The following MYT1L variants were observed in gnomAD, a reference collection of about 807,000 sequenced individuals.
MYT1L encodes the protein myelin transcription factor 1-like protein.
A neutral mutation model predicts 126.7 loss-of-function variants in MYT1L; 12 were observed. The observed-to-expected ratio is 0.09, with a 90% CI of 0.06 to 0.15. The LOEUF (loss-of-function observed/expected upper bound fraction) is 0.15. Ranked by LOEUF, MYT1L falls within the 10% of genes least tolerant of loss-of-function variation. The pLI, the probability that MYT1L is intolerant of heterozygous loss-of-function variation, is 1.00. For synonymous variants in MYT1L, 541 were observed against 604.2 expected (o/e 0.90, Z 1.53); for missense variants, 979 against 1,585.2 (o/e 0.62, Z 6.49).
At chr2:2,075,221 G>A (rs938759205) in intron 3 of MYT1L, among the ~76,000 whole-genome samples, 2 of 152,162 alleles carry the variant, frequency 1.3e-5, no homozygotes, top group East Asian at 1.9e-4. Flanking sequence ...CCTTTTTGGG[G>A]CAGAGGAAAT....
At chr2:2,203,774 T>C (rs1371155294) in intron 2 of MYT1L, among the ~76,000 whole-genome samples, 1 of 152,182 alleles carries the variant, frequency 6.6e-6, no homozygotes, top group African/African-American at 2.4e-5. Flanking sequence ...AAAGTTCACA[T>C]GGAACCAAAA....
At chr2:1,867,372 G>A (rs965709974) in intron 18 of MYT1L, among the ~76,000 whole-genome samples, 11 of 152,122 alleles carry the variant, frequency 7.2e-5, no homozygotes, top group Non-Finnish European at 1.3e-4. Context: ...CTCTCACCCC[G>A]GTGCCCCACA....
intron 1 of MYT1L, among the ~76,000 whole-genome samples, chr2:2,300,307 T>C (rs2095763254): frequency 6.6e-6 from 1 of 152,232 alleles, no homozygotes; most frequent in African/African-American, 2.4e-5. Context: ...GAAGATCGCA[T>C]GCTCATGTAA....
At chr2:1,966,153 C>T (rs1363656732) in intron 8 of MYT1L, among the ~76,000 whole-genome samples, 2 of 152,214 alleles carry the variant, frequency 1.3e-5, no homozygotes, top group Non-Finnish European at 2.9e-5. Flanking sequence ...TGGCCTATTC[C>T]TTTATTCAGC....
intron 18 of MYT1L, among the ~76,000 whole-genome samples, chr2:1,869,512 T>C (rs960867789): frequency 7.2e-5 from 11 of 152,104 alleles, no homozygotes; most frequent in African/African-American, 2.7e-4. Context: ...TGGGACTCCG[T>C]GCCCTACACA....
chr2:1,861,048 G>C lies in MYT1L; in HGVS notation c.2712-9345C>G, dbSNP rs147724889. Among the ~76,000 whole-genome samples the C allele has an allele frequency of 3.6e-3, 545 of 152,200 alleles. 7 individuals are homozygous for C. Among genetic ancestry groups the C allele is most frequent in the Admixed American group, 0.02 (305 of 15,278 alleles). ...AGCCCCAGAGGGCACAGAGGGAAGCGGCGACAATGGCCAAAAACTCAACAC... is the reference window on the plus strand; with the variant it reads ...AGCCCCAGAGGGCACAGAGGGAAGCCGCGACAATGGCCAAAAACTCAACAC... On this transcript the variant is annotated intron_variant, in intron 18 of 24. Transcript: ENST00000647738.
Position 1,840,809 on chromosome 2 carries a change from T to C in MYT1L, c.2809A>G (p.Ile937Val). The C allele has an allele frequency of 1.9e-6, 3 of 1,551,192 alleles. No homozygotes were observed. In the African/African-American group the frequency reaches 4.1e-5, roughly 21 times the overall value. ...TCTTCTTTGCTCTGTGCTATCCTGA[T>C]ACCACTTTTCTTTGCTCTTGGGCAA... ...SGCPRAKKSG[I>V]RIAQSKEDKE... is the part of the protein sequence containing the mutation. Residue 937 changes from isoleucine (I) to valine (V), a missense_variant, in exon 20 of 25, where the codon ATC (isoleucine) becomes GTC (valine). Ile to Val is a conservative substitution (Grantham distance 29, BLOSUM62 3). This residue lies in a region of MYT1L where 179 missense variants were observed against 398.6 expected (regional missense o/e 0.45). Transcript: ENST00000647738.
intron 1 of MYT1L, among the ~76,000 whole-genome samples, chr2:2,310,859 G>A (rs1478936230): frequency 6.6e-6 from 1 of 152,038 alleles, no homozygotes; most frequent in Non-Finnish European, 1.5e-5. Flanking sequence ...AGAGTTGGTT[G>A]AAAAAATGAA....
At chr2:2,143,385 TGGGG>T (rs2084341081) in intron 3 of MYT1L, among the ~76,000 whole-genome samples, 1 of 151,894 alleles carries the variant, frequency 6.6e-6, no homozygotes, top group Non-Finnish European at 1.5e-5. Context: ...AGGCTGTGCC[TGGGG>T]CCGAGGTGGT....
At chr2:2,000,965 C>T (rs1027915519) in intron 4 of MYT1L, among the ~76,000 whole-genome samples, 6 of 152,128 alleles carry the variant, frequency 3.9e-5, no homozygotes, top group South Asian at 4.1e-4. Flanking sequence ...CTCAGAAGCA[C>T]GGGTTTTCTC....
At chr2:2,128,668 C>A (rs552564325) in intron 3 of MYT1L, among the ~76,000 whole-genome samples, 8 of 152,038 alleles carry the variant, frequency 5.3e-5, no homozygotes, top group African/African-American at 9.7e-5. Context: ...ATTATACCTA[C>A]AAATTAAAGG....
intron 2 of MYT1L, among the ~76,000 whole-genome samples, chr2:2,225,994 G>T (rs765764806): frequency 2.0e-5 from 3 of 152,138 alleles, no homozygotes; most frequent in Non-Finnish European, 4.4e-5. Context: ...CTTGGCTCCA[G>T]ACGCTAACTC....
At chr2:1,892,424 C>T (rs2049013025) in intron 14 of MYT1L, 137 bp from the exon 15 acceptor site, 4 of 1,196,766 alleles carry the variant, frequency 3.3e-6, no homozygotes, top group Admixed American at 3.1e-5. Flanking sequence ...GGGGCTTACG[C>T]GTAAAGAAAA....
intron 2 of MYT1L, among the ~76,000 whole-genome samples, chr2:2,242,823 G>T (rs2094464160): frequency 6.6e-6 from 1 of 152,180 alleles, no homozygotes; most frequent in South Asian, 2.1e-4. Context: ...AAAATCCTGA[G>T]GAAATGAAGT....
chr2:1,988,703 T>C (rs1341634955), intron 5 of MYT1L, among the ~76,000 whole-genome samples: 6 of 152,236 alleles, frequency 3.9e-5, no homozygotes, highest in African/African-American at 1.2e-4. Flanking sequence ...TAAAAGAATC[T>C]TAGGTAAGAA....
intron 4 of MYT1L, among the ~76,000 whole-genome samples, chr2:2,045,809 C>T (rs1448608515): frequency 2.0e-5 from 3 of 152,138 alleles, no homozygotes; most frequent in African/African-American, 7.2e-5. Context: ...TTTGGATCTC[C>T]AGGCCAACTT....
intron 3 of MYT1L, among the ~76,000 whole-genome samples, chr2:2,109,890 T>C (rs1386114527): frequency 2.4e-5 from 2 of 84,762 alleles, no homozygotes; most frequent in Admixed American, 1.1e-4. Context: ...TATATATATA[T>C]ATATATATAT....
chr2:2,006,735 C>G (rs1288706091), intron 4 of MYT1L, among the ~76,000 whole-genome samples: 1 of 151,894 alleles, frequency 6.6e-6, no homozygotes, highest in Non-Finnish European at 1.5e-5. Flanking sequence ...ATCACCATGC[C>G]CGGCTAATTT....
chr2:2,261,492 C>A (rs193034929), intron 2 of MYT1L, among the ~76,000 whole-genome samples: 13 of 152,234 alleles, frequency 8.5e-5, no homozygotes, highest in African/African-American at 2.9e-4. Context: ...AGTCCTCCCC[C>A]CTGTTAGGTA....
Sources: gnomAD v4.1 joint callset for allele counts (sites outside exome capture counted in the v4.1 genomes callset) on GRCh38, gnomAD v4.1.1 for gene constraint, gnomAD v4.1.1 regional missense constraint, MANE v1.5 for transcripts, NCBI Gene and HGNC (gene_info 2026-07-23, HGNC 2026-07-21) for gene names.